The following PAX5 variants were observed in gnomAD, a reference collection of about 807,000 sequenced individuals.
The protein encoded by PAX5 is paired box 5.
Under a neutral mutation model 43.7 loss-of-function variants are expected in PAX5, and 9 were observed. The observed-to-expected ratio is 0.21, with a 90% CI of 0.12 to 0.36. The LOEUF (loss-of-function observed/expected upper bound fraction) is 0.36, where lower values mean the gene tolerates loss of function less well. PAX5 is among the 10% of genes least tolerant of loss of function. PAX5 has a pLI of 1.00. For synonymous variants in PAX5, 228 were observed against 214.3 expected, an observed-to-expected ratio of 1.06 and a Z score of -0.56; for missense variants, 383 against 532.7, an observed-to-expected ratio of 0.72 and a Z score of 2.77.
chr9:37,024,676 G>A (rs1840146940), intron 1 of PAX5, among the ~76,000 whole-genome samples: 1 of 152,238 alleles, frequency 6.6e-6, no homozygotes, highest in South Asian at 2.1e-4. Flanking sequence ...TTGAAAATGG[G>A]AGGGAGCACT....
intron 5 of PAX5, among the ~76,000 whole-genome samples, chr9:36,994,371 G>A (rs1340950778): frequency 6.6e-6 from 1 of 152,092 alleles, no homozygotes; most frequent in Non-Finnish European, 1.5e-5. Flanking sequence ...TACCCTACCT[G>A]CAGGGTATAG....
chr9:36,997,743 G>C (rs903059601), intron 5 of PAX5, among the ~76,000 whole-genome samples: 1 of 152,240 alleles, frequency 6.6e-6, no homozygotes. Flanking sequence ...GACCCTCAGA[G>C]CCATCCCGCA....
intron 8 of PAX5, among the ~76,000 whole-genome samples, chr9:36,860,350 A>G (rs748257261): frequency 2.6e-4 from 40 of 152,102 alleles, no homozygotes; most frequent in Admixed American, 1.2e-3. Flanking sequence ...AGAAAAAAAA[A>G]TCATCTGGGA....
At chr9:36,984,435 C>CTTTTTTTTTTTTTTTTT (rs10663927) in intron 5 of PAX5, among the ~76,000 whole-genome samples, 2 of 66,880 alleles carry the variant, frequency 3.0e-5, no homozygotes, top group African/African-American at 1.3e-4. Context: ...TTGAACCTCT[C>CTTTTTTTTTTTTTTTTT]TTTTTTTTTT....
intron 1 of PAX5, chr9:37,026,794 G>C (rs1445056960): frequency 2.2e-6 from 2 of 905,592 alleles, no homozygotes; most frequent in Non-Finnish European, 2.6e-6. Flanking sequence ...CCCGGGCTAG[G>C]AGCGGGTGCC....
intron 7 of PAX5, chr9:36,893,437 G>A (rs931605193): frequency 6.6e-6 from 1 of 152,482 alleles, no homozygotes; most frequent in Admixed American, 6.5e-5. Context: ...CCTGCAATCC[G>A]GCTATGAGTA....
chr9:36,991,457 G>A (rs1255341406), intron 5 of PAX5, among the ~76,000 whole-genome samples: 1 of 152,136 alleles, frequency 6.6e-6, no homozygotes, highest in African/African-American at 2.4e-5. Context: ...AGCAAGTAAA[G>A]GCTTAGAGTA....
At chr9:36,878,430 C>T (rs1003271969) in intron 8 of PAX5, among the ~76,000 whole-genome samples, 1 of 152,184 alleles carries the variant, frequency 6.6e-6, no homozygotes, top group Non-Finnish European at 1.5e-5. Flanking sequence ...AGCATCTTCC[C>T]CCAGAGGGGG....
intron 7 of PAX5, among the ~76,000 whole-genome samples, chr9:36,902,515 T>C (rs1432867269): frequency 6.6e-6 from 1 of 152,202 alleles, no homozygotes; most frequent in East Asian, 1.9e-4. Flanking sequence ...CTGTCCCTGC[T>C]GGAAGTGTGC....
chr9:36,913,636 T>G (rs528811704), intron 7 of PAX5, among the ~76,000 whole-genome samples: 1 of 152,336 alleles, frequency 6.6e-6, no homozygotes, highest in South Asian at 2.1e-4. Flanking sequence ...GGTGAGCAGT[T>G]TCAGAACTGT....
chr9:36,928,391 A>C (rs1488431896), intron 6 of PAX5, among the ~76,000 whole-genome samples: 2 of 152,066 alleles, frequency 1.3e-5, no homozygotes, highest in African/African-American at 4.8e-5. Flanking sequence ...TGAACTCCAC[A>C]CTCCTACAAA....
chr9:36,948,829 T>A (rs1475293929), intron 6 of PAX5, among the ~76,000 whole-genome samples: 2 of 151,520 alleles, frequency 1.3e-5, no homozygotes, highest in African/African-American at 4.9e-5. Context: ...CCTCTCCAAC[T>A]CCTTTCCTGC....
intron 5 of PAX5, among the ~76,000 whole-genome samples, chr9:36,988,211 C>G (rs1369770206): frequency 6.6e-6 from 1 of 152,182 alleles, no homozygotes; most frequent in African/African-American, 2.4e-5. Context: ...TCGTGTCAGG[C>G]TCACCTTACT....
intron 6 of PAX5, among the ~76,000 whole-genome samples, chr9:36,939,665 T>C (rs976606270): frequency 1.3e-5 from 2 of 152,212 alleles, no homozygotes; most frequent in African/African-American, 2.4e-5. Context: ...CCTGACAGCC[T>C]GCTAAGGAAG....
intron 2 of PAX5, among the ~76,000 whole-genome samples, chr9:37,019,460 C>G (rs144278630): frequency 0.025 from 3,859 of 152,254 alleles, 73 homozygotes; most frequent in Non-Finnish European, 0.041. Flanking sequence ...AAAGGAGCTG[C>G]CAGACCCCTG....
chr9:36,951,604 G>C (rs149456511), intron 6 of PAX5, among the ~76,000 whole-genome samples: 3 of 152,156 alleles, frequency 2.0e-5, no homozygotes, highest in African/African-American at 7.2e-5. Context: ...GTACCATTTT[G>C]TTTTAGGTTA....
intron 7 of PAX5, among the ~76,000 whole-genome samples, chr9:36,891,088 G>A (rs559530070): frequency 1.8e-4 from 27 of 152,166 alleles, no homozygotes; most frequent in Non-Finnish European, 4.0e-4. Context: ...GCAGTGAGCC[G>A]AGATTGCGCC....
chr9:37,031,764 T>C (rs1241237512), intron 1 of PAX5, among the ~76,000 whole-genome samples: 2 of 152,168 alleles, frequency 1.3e-5, no homozygotes, highest in East Asian at 3.8e-4. Flanking sequence ...CTGCTTAGTG[T>C]TGACCTGACC....
chr9:37,020,551 G>A, intron 2 of PAX5, 85 bp downstream of exon 2: 2 of 1,348,722 alleles, frequency 1.5e-6, no homozygotes, highest in Admixed American at 3.5e-5. Flanking sequence ...TTCTCACTAT[G>A]ATACTGTCAT....
Sources: gnomAD v4.1 joint callset for allele counts (sites outside exome capture counted in the v4.1 genomes callset) on GRCh38, gnomAD v4.1.1 for gene constraint, MANE v1.5 for transcripts, NCBI Gene and HGNC (gene_info 2026-07-23, HGNC 2026-07-21) for gene names.